The following SYN3 variants were observed in gnomAD, a reference collection of about 807,000 sequenced individuals.
The protein encoded by SYN3 is synapsin III, also known as synapsin-3.
A neutral mutation model predicts 65.8 loss-of-function variants in SYN3; 35 were observed. The observed-to-expected ratio is 0.53, with a 90% CI of 0.41 to 0.70. The LOEUF (loss-of-function observed/expected upper bound fraction) is 0.70, where lower values mean the gene tolerates loss of function less well. SYN3 is among the 30% of genes least tolerant of loss of function. The pLI, the probability that SYN3 is intolerant of heterozygous loss-of-function variation, is 0.00. For missense variants in SYN3, 680 were observed against 749.0 expected (o/e 0.91, Z 1.08); for synonymous variants, 270 against 292.9 (o/e 0.92, Z 0.80).
At chr22:32,774,676 G>T (rs1261541252) in intron 6 of SYN3, among the ~76,000 whole-genome samples, 5 of 151,998 alleles carry the variant, frequency 3.3e-5, no homozygotes, top group African/African-American at 1.2e-4. Context: ...CTCACCGCAA[G>T]CTCCGCCTCC....
At chr22:32,799,121 A>G (rs2046500840) in intron 6 of SYN3, among the ~76,000 whole-genome samples, 2 of 152,180 alleles carry the variant, frequency 1.3e-5, no homozygotes, top group South Asian at 2.1e-4. Context: ...TGCCTGCTGA[A>G]GGGGGTGACC....
chr22:33,010,706 G>A (rs945806872), intron 1 of SYN3, among the ~76,000 whole-genome samples: 2 of 152,148 alleles, frequency 1.3e-5, no homozygotes, highest in Non-Finnish European at 2.9e-5. Context: ...TTGGAATATT[G>A]TTCGAGATTG....
chr22:32,735,722 A>G (rs1278628262), intron 6 of SYN3, among the ~76,000 whole-genome samples: 1 of 152,190 alleles, frequency 6.6e-6, no homozygotes, highest in Non-Finnish European at 1.5e-5. Flanking sequence ...AGCCCCTAGC[A>G]GCCAGAGAGG....
intron 6 of SYN3, among the ~76,000 whole-genome samples, chr22:32,735,404 T>C (rs576220728): frequency 8.5e-5 from 13 of 152,368 alleles, no homozygotes; most frequent in Admixed American, 5.9e-4. Flanking sequence ...CTATTATTAT[T>C]ACTATCACTA....
intron 2 of SYN3, among the ~76,000 whole-genome samples, chr22:33,002,680 C>T (rs77805484): frequency 0.012 from 1,760 of 152,170 alleles, 43 homozygotes; most frequent in African/African-American, 0.04. Context: ...CTATAAATAG[C>T]AAAGCATAGA....
intron 6 of SYN3, among the ~76,000 whole-genome samples, chr22:32,621,769 C>T (rs531975683): frequency 6.6e-6 from 1 of 152,256 alleles, no homozygotes; most frequent in South Asian, 2.1e-4. Context: ...GCGCTGCCTG[C>T]AGCATTTCGA....
intron 12 of SYN3, among the ~76,000 whole-genome samples, chr22:32,522,173 A>G (rs567586596): frequency 6.4e-4 from 98 of 152,372 alleles, no homozygotes; most frequent in African/African-American, 2.3e-3. Context: ...CAAGTTCAAA[A>G]TAATAATGTG....
intron 12 of SYN3, among the ~76,000 whole-genome samples, chr22:32,522,629 GAC>G (rs898109053): frequency 2.8e-4 from 43 of 152,296 alleles, no homozygotes; most frequent in Admixed American, 2.1e-3. Flanking sequence ...ATATGTATAA[GAC>G]ACACGTTATT....
intron 3 of SYN3, among the ~76,000 whole-genome samples, chr22:32,938,548 A>T (rs2050842762): frequency 6.6e-6 from 1 of 151,912 alleles, no homozygotes; most frequent in Non-Finnish European, 1.5e-5. Context: ...AAAAAAAAGA[A>T]AAAGAAAAAG....
chr22:32,995,605 TA>T (rs1380959497), intron 2 of SYN3, among the ~76,000 whole-genome samples: 1 of 151,584 alleles, frequency 6.6e-6, no homozygotes, highest in African/African-American at 2.4e-5. Context: ...ATGCAGTCCT[TA>T]CAAGGACAGG....
intron 7 of SYN3, among the ~76,000 whole-genome samples, chr22:32,543,596 C>T (rs533363720): frequency 1.3e-5 from 2 of 152,174 alleles, no homozygotes; most frequent in African/African-American, 2.4e-5. Flanking sequence ...GCTGCAGTGG[C>T]GGTGGTGTGC....
chr22:32,630,068 C>T (rs1001173464), intron 6 of SYN3, among the ~76,000 whole-genome samples: 1 of 151,442 alleles, frequency 6.6e-6, no homozygotes, highest in Non-Finnish European at 1.5e-5. Context: ...ACTGCAACCT[C>T]GGCCTCCTGG....
At position 32,541,614 on chromosome 22, in the gene SYN3, C is replaced by T. The variant is rs1303543052; in HGVS notation, c.874G>A (p.Asp292Asn). ...GATCCAATTTTCTGGATGCGGATGT[C>T]GTACTTGGAGTCGATGAAGGCCTCG... is the stretch of plus-strand genomic sequence containing the variant. Reference protein sequence around the residue: ...TTEAFIDSKYDIRIQKIGSNY... With the variant: ...TTEAFIDSKYNIRIQKIGSNY... The change falls in exon 8 of 14, where the codon GAC becomes AAC. Residue 292 changes from aspartate to asparagine, a missense_variant. Coordinates refer to ENST00000358763, the MANE Select transcript of SYN3 (RefSeq NM_003490.4). 5 of 1,614,022 alleles carry T rather than the reference C, an allele frequency of 3.1e-6. No homozygotes were observed. Among genetic ancestry groups the T allele is most frequent in the East Asian group, 2.2e-5 (1 of 44,866 alleles).
chr22:32,569,590 A>ATAT (rs1569048509), intron 7 of SYN3, among the ~76,000 whole-genome samples: 2 of 92,528 alleles, frequency 2.2e-5, no homozygotes, highest in African/African-American at 6.6e-5. Context: ...TATATATATA[A>ATAT]AATCTATCTA....
At chr22:32,656,786 T>C (rs368061811) in intron 6 of SYN3, among the ~76,000 whole-genome samples, 7 of 152,160 alleles carry the variant, frequency 4.6e-5, no homozygotes, top group African/African-American at 1.7e-4. Context: ...AGAGGCTGAA[T>C]GCCCGTAGGA....
intron 13 of SYN3, among the ~76,000 whole-genome samples, chr22:32,514,833 G>A (rs1028972562): frequency 1.3e-5 from 2 of 152,126 alleles, no homozygotes; most frequent in African/African-American, 4.8e-5. Context: ...TGGCTAACAC[G>A]GTGAAACCCC....
intron 6 of SYN3, among the ~76,000 whole-genome samples, chr22:32,804,289 G>C (rs1051579215): frequency 2.6e-5 from 4 of 152,090 alleles, no homozygotes; most frequent in Non-Finnish European, 5.9e-5. Flanking sequence ...CTTGCCTGCC[G>C]ACCTCCCTCG....
chr22:32,814,170 GAGAAAGAAAGAAA>G (rs1182747513), intron 6 of SYN3, among the ~76,000 whole-genome samples: 1 of 84,002 alleles, frequency 1.2e-5, no homozygotes, highest in Non-Finnish European at 2.3e-5. Context: ...GAGAGAGAAA[GAGAAAGAAAGAAA>G]AGAAAGAAAG....
chr22:32,622,094 T>C (rs2059603530), intron 6 of SYN3, among the ~76,000 whole-genome samples: 1 of 151,982 alleles, frequency 6.6e-6, no homozygotes, highest in African/African-American at 2.4e-5. Flanking sequence ...AAGGCCCTGT[T>C]TGCTTACAGT....
Sources: gnomAD v4.1 joint callset for allele counts (sites outside exome capture counted in the v4.1 genomes callset) on GRCh38, gnomAD v4.1.1 for gene constraint, MANE v1.5 for transcripts, NCBI Gene and HGNC (gene_info 2026-07-23, HGNC 2026-07-21) for gene names.